The following PIP5K1B variants were observed in gnomAD, a reference collection of about 807,000 sequenced individuals.
PIP5K1B encodes the protein phosphatidylinositol 4-phosphate 5-kinase type-1 beta.
Under a neutral mutation model 67.0 loss-of-function variants are expected in PIP5K1B, and 42 were observed. The observed-to-expected ratio is 0.63, with a 90% CI of 0.49 to 0.81. The LOEUF is 0.81. Ranked by LOEUF, PIP5K1B falls within the 30% of genes least tolerant of loss-of-function variation. The pLI is 0.00. For missense variants in PIP5K1B, 459 were observed against 646.3 expected, an observed-to-expected ratio of 0.71 and a Z score of 3.14; for synonymous variants, 214 against 231.4, an observed-to-expected ratio of 0.92 and a Z score of 0.68.
chr9:68,843,158 G>A (rs1161669609), intron 4 of PIP5K1B: 1 of 152,340 alleles, frequency 6.6e-6, no homozygotes, highest in South Asian at 2.1e-4. Flanking sequence ...GAACTAAGGA[G>A]TGCCTTACCC....
intron 8 of PIP5K1B, among the ~76,000 whole-genome samples, chr9:68,917,112 G>A (rs1826141671): frequency 6.6e-6 from 1 of 152,142 alleles, no homozygotes. Flanking sequence ...TTGGGTCTCT[G>A]TCACTTATGT....
intron 2 of PIP5K1B, chr9:68,780,186 C>T (rs1831168527): frequency 2.6e-6 from 4 of 1,532,750 alleles, no homozygotes; most frequent in Non-Finnish European, 2.6e-6. Flanking sequence ...GAAGATGGAG[C>T]TAGACCTGGA....
chr9:69,001,758 T>G (rs537768819), intron 15 of PIP5K1B, among the ~76,000 whole-genome samples: 1 of 152,108 alleles, frequency 6.6e-6, no homozygotes, highest in African/African-American at 2.4e-5. Context: ...CAATTTGACA[T>G]GAGATTTGGG....
chr9:68,867,265 C>T (rs191046787), intron 5 of PIP5K1B, among the ~76,000 whole-genome samples: 13 of 152,354 alleles, frequency 8.5e-5, no homozygotes, highest in East Asian at 5.8e-4. Flanking sequence ...CCGGCTCCCA[C>T]GCCACCCTGG....
At chr9:68,933,554 TAAGAA>T (rs1325894060) in intron 12 of PIP5K1B, among the ~76,000 whole-genome samples, 9 of 152,078 alleles carry the variant, frequency 5.9e-5, no homozygotes, top group African/African-American at 1.7e-4. Context: ...GAAAGCAACT[TAAGAA>T]AAGAAAGACA....
At chr9:68,924,556 T>C (rs1826585482) in intron 12 of PIP5K1B, among the ~76,000 whole-genome samples, 1 of 152,054 alleles carries the variant, frequency 6.6e-6, no homozygotes, top group African/African-American at 2.4e-5. Context: ...CTTATTTTCC[T>C]TTATATTGAT....
chr9:68,838,727 T>TAATATAAATA (rs1221397561), intron 4 of PIP5K1B, among the ~76,000 whole-genome samples: 5 of 152,294 alleles, frequency 3.3e-5, no homozygotes, highest in African/African-American at 1.2e-4. Flanking sequence ...AAACCTGCAC[T>TAATATAAATA]TGTACCCCTG....
chr9:68,773,168 A>G (rs186737970), intron 2 of PIP5K1B, among the ~76,000 whole-genome samples: 1 of 152,312 alleles, frequency 6.6e-6, no homozygotes, highest in Admixed American at 6.5e-5. Flanking sequence ...TATAAATCCA[A>G]CTAGATTTGC....
intron 2 of PIP5K1B, chr9:68,788,204 G>T: frequency 1.9e-5 from 6 of 324,284 alleles, no homozygotes; most frequent in South Asian, 1.8e-4. Flanking sequence ...AAAGGAATGT[G>T]TGGGCCCAGG....
At chr9:68,731,502 T>A (rs1359365106) in intron 1 of PIP5K1B, among the ~76,000 whole-genome samples, 2 of 152,156 alleles carry the variant, frequency 1.3e-5, no homozygotes, top group African/African-American at 4.8e-5. Context: ...GTGCAAAGTA[T>A]TTTGAAAGGT....
At chr9:68,958,179 C>A (rs763282062) in intron 14 of PIP5K1B, among the ~76,000 whole-genome samples, 2 of 152,066 alleles carry the variant, frequency 1.3e-5, no homozygotes, top group Non-Finnish European at 2.9e-5. Context: ...GGCCAAGGAG[C>A]TGTTTTCTCA....
intron 3 of PIP5K1B, among the ~76,000 whole-genome samples, chr9:68,820,635 T>C (rs2132064186): frequency 6.6e-6 from 1 of 152,308 alleles, no homozygotes; most frequent in Middle Eastern, 3.4e-3. Flanking sequence ...GCCCAGAATT[T>C]AAAGCATGCT....
At chr9:68,856,854 C>A (rs898476262) in intron 4 of PIP5K1B, among the ~76,000 whole-genome samples, 2 of 152,120 alleles carry the variant, frequency 1.3e-5, no homozygotes, top group Non-Finnish European at 2.9e-5. Flanking sequence ...AATAATGGGA[C>A]CCCAAAGAGA....
chr9:68,760,968 GGTTTTA>G (rs756700742), intron 2 of PIP5K1B, among the ~76,000 whole-genome samples: 1 of 151,988 alleles, frequency 6.6e-6, no homozygotes, highest in African/African-American at 2.4e-5. Context: ...TGATCATTTT[GGTTTTA>G]GTTTTAGTTT....
intron 5 of PIP5K1B, 40 bp from the exon 6 acceptor site, chr9:68,876,637 T>G: frequency 1.8e-6 from 2 of 1,094,854 alleles, no homozygotes; most frequent in Non-Finnish European, 2.8e-6. Flanking sequence ...CTTGCTAATG[T>G]GTTCTTTCTT....
At chr9:68,890,129 C>T (rs563272442) in intron 7 of PIP5K1B, among the ~76,000 whole-genome samples, 92 of 152,268 alleles carry the variant, frequency 6.0e-4, no homozygotes, top group South Asian at 1.9e-3. Context: ...ACTAATACAC[C>T]GGAACATATT....
rs190620748 is a variant in PIP5K1B at position 68,954,888 on chromosome 9, G to A, written c.1502+14098G>A. ...TCCATGGTCAAGTGCTGTCCAAGTA[G>A]ATCTGTAAGTCCCCAGAGGTGTCTC... On this transcript the variant is annotated intron_variant, in intron 14 of 15. Coordinates refer to ENST00000265382, the MANE Select transcript of PIP5K1B (RefSeq NM_003558.4). 5.3e-5 allele frequency among the ~76,000 whole-genome samples: 8 copies of A among 152,292 alleles called. No homozygotes were observed. In the East Asian group the frequency reaches 1.3e-3, roughly 26 times the overall value.
intron 6 of PIP5K1B, among the ~76,000 whole-genome samples, chr9:68,886,376 G>T (rs1033626731): frequency 6.6e-6 from 1 of 152,124 alleles, no homozygotes; most frequent in Non-Finnish European, 1.5e-5. Flanking sequence ...GCTGGTTTTA[G>T]CATTTTTTGG....
chr9:68,768,524 A>G (rs1188963292), intron 2 of PIP5K1B, among the ~76,000 whole-genome samples: 1 of 152,236 alleles, frequency 6.6e-6, no homozygotes, highest in African/African-American at 2.4e-5. Context: ...ACTGTAAAGT[A>G]AGGAGAGAGA....
Sources: gnomAD v4.1 joint callset for allele counts (sites outside exome capture counted in the v4.1 genomes callset) on GRCh38, gnomAD v4.1.1 for gene constraint, MANE v1.5 for transcripts, NCBI Gene and HGNC (gene_info 2026-07-23, HGNC 2026-07-21) for gene names.